Variants in FAF1 observed in about 807,000 individuals in gnomAD.
FAF1 encodes the protein FAS-associated factor 1.
In FAF1, 25 loss-of-function variants were observed where a neutral mutation model predicts 92.5. The ratio of observed to expected loss-of-function variants is 0.27; its 90% CI spans 0.20 to 0.38. The LOEUF (loss-of-function observed/expected upper bound fraction) is 0.38, where lower values mean the gene tolerates loss of function less well. Ranked by LOEUF, FAF1 falls within the 10% of genes least tolerant of loss-of-function variation. FAF1 has a pLI of 1.00. For synonymous variants in FAF1, 234 were observed against 273.2 expected, an observed-to-expected ratio of 0.86 and a Z score of 1.42; for missense variants, 636 against 793.3, an observed-to-expected ratio of 0.80 and a Z score of 2.38.
intron 2 of FAF1, among the ~76,000 whole-genome samples, chr1:50,825,988 A>T (rs1228111747): frequency 2.0e-5 from 3 of 152,138 alleles, no homozygotes; most frequent in Admixed American, 6.5e-5. Context: ...AAAATACATG[A>T]TGGCAAAACA....
chr1:50,850,816 C>T (rs1404736957), intron 2 of FAF1, among the ~76,000 whole-genome samples: 1 of 151,992 alleles, frequency 6.6e-6, no homozygotes, highest in Non-Finnish European at 1.5e-5. Flanking sequence ...ACAGTATGAA[C>T]AGGAATTTTA....
Position 50,787,895 on chromosome 1 carries a change from T to C in FAF1, c.367+105A>G, listed in dbSNP as rs1172807025. The C allele has an allele frequency of 4.4e-6, 4 of 912,314 alleles. No homozygotes were observed. In the South Asian group the frequency reaches 4.9e-5, roughly 11 times the overall value. 56.5% of individuals were successfully genotyped at this position (912,314 alleles called of 1,614,324 possible). ...GAAAGTTACCAGTTTCAACTTGCTT[T>C]TTTTCCCTTCTTGCACTGGTAGTCA... On this transcript the variant is annotated intron_variant, in intron 4 of 18. Coordinates refer to ENST00000396153, the MANE Select transcript of FAF1 (RefSeq NM_007051.3).
chr1:50,957,660 C>T (rs1302575689), intron 1 of FAF1, among the ~76,000 whole-genome samples: 1 of 152,006 alleles, frequency 6.6e-6, no homozygotes, highest in East Asian at 1.9e-4. Context: ...CCGAAATTTT[C>T]ATTTTCATTT....
intron 7 of FAF1, 57 bp downstream of exon 7, chr1:50,705,729 G>A: frequency 1.1e-6 from 1 of 942,654 alleles, no homozygotes; most frequent in Admixed American, 1.9e-5. Context: ...TCTTTAACAG[G>A]GTCAACATTA....
Position 50,475,654 on chromosome 1 carries a change from G to A in FAF1, c.1679C>T (p.Ala560Val). ...REAIRLSLEQ[A>V]LPPEPKEENA... is the part of the protein sequence containing the mutation. ...TTCTTCCTTTGGCTCAGGAGGCAGGGCTTGCTCTAAGGACAGCCGGATGGC... is the reference window on the plus strand; with the variant it reads ...TTCTTCCTTTGGCTCAGGAGGCAGGACTTGCTCTAAGGACAGCCGGATGGC... The change falls in exon 18 of 19, where the codon GCC becomes GTC. Residue 560 changes from alanine (A) to valine (V), a missense_variant. Ala to Val is a moderately conservative substitution (Grantham distance 64, BLOSUM62 0). Transcript: ENST00000396153. The A allele has an allele frequency of 1.2e-6, 2 of 1,613,904 alleles. No homozygotes were observed. The highest frequency in any genetic ancestry group is 1.7e-6 in the Non-Finnish European group (2 of 1,179,898).
intron 17 of FAF1, among the ~76,000 whole-genome samples, chr1:50,484,446 C>CAT (rs752316449): frequency 4.0e-4 from 61 of 152,016 alleles, no homozygotes; most frequent in East Asian, 2.3e-3. Flanking sequence ...AGTGGATATA[C>CAT]ATATATATAT....
intron 7 of FAF1, among the ~76,000 whole-genome samples, chr1:50,685,162 G>C (rs1656600782): frequency 6.6e-6 from 1 of 152,184 alleles, no homozygotes; most frequent in Non-Finnish European, 1.5e-5. Context: ...ACATGAGCAA[G>C]AAATCACATC....
At position 50,914,730 on chromosome 1, in the gene FAF1, G is replaced by A. The variant is rs562126705; in HGVS notation, c.45+45037C>T. Among the ~76,000 whole-genome samples, 4 of 152,158 alleles carry A rather than the reference G, an allele frequency of 2.6e-5. No individual in the cohort carries two copies. The East Asian group carries it at 7.7e-4, about 29-fold the overall frequency. ...CTCCCACATAACTGAAAAAGCAATA[G>A]AAGGGACAATGTGCTATACTTAACA... On this transcript the variant is annotated intron_variant, in intron 1 of 18. Transcript: ENST00000396153.
intron 7 of FAF1, among the ~76,000 whole-genome samples, chr1:50,671,586 G>C (rs562727899): frequency 6.6e-6 from 1 of 152,014 alleles, no homozygotes; most frequent in African/African-American, 2.4e-5. Flanking sequence ...AAGAGGGTGA[G>C]GATTCAAACT....
chr1:50,814,918 A>T (rs1569991869), intron 2 of FAF1, among the ~76,000 whole-genome samples: 1 of 152,320 alleles, frequency 6.6e-6, no homozygotes, highest in South Asian at 2.1e-4. Flanking sequence ...ACCCTTTTGT[A>T]CTGCTGATGG....
chr1:50,577,710 C>T (rs1650816974), intron 12 of FAF1, among the ~76,000 whole-genome samples: 1 of 152,140 alleles, frequency 6.6e-6, no homozygotes, highest in Non-Finnish European at 1.5e-5. Flanking sequence ...CCTTAGAGAG[C>T]ATGTGATAAA....
chr1:50,783,465 T>A (rs1661255252), intron 4 of FAF1, among the ~76,000 whole-genome samples: 1 of 152,136 alleles, frequency 6.6e-6, no homozygotes, highest in South Asian at 2.1e-4. Context: ...AACAAAATAT[T>A]AGCGAAACTA....
At chr1:50,694,567 A>AC (rs1553129266) in intron 7 of FAF1, among the ~76,000 whole-genome samples, 1 of 151,180 alleles carries the variant, frequency 6.6e-6, no homozygotes, top group East Asian at 1.9e-4. Context: ...AAAAAAAAAA[A>AC]CCCACAAAGG....
At chr1:50,880,023 T>C (rs1289375216) in intron 1 of FAF1, among the ~76,000 whole-genome samples, 1 of 152,210 alleles carries the variant, frequency 6.6e-6, no homozygotes, top group Non-Finnish European at 1.5e-5. Flanking sequence ...TATCATTTCA[T>C]CTTCTCTATT....
Position 50,827,028 on chromosome 1 carries a change from G to A in FAF1, c.115-25351C>T, listed in dbSNP as rs926303232. Reference sequence around the variant, plus strand: ...AGGAGTGCCTCTGCCCGGCCGCCCCGTCTGGGAGGTGAGGAGCGCCTCTGC... The same window carrying A: ...AGGAGTGCCTCTGCCCGGCCGCCCCATCTGGGAGGTGAGGAGCGCCTCTGC... On this transcript the variant is annotated intron_variant, in intron 2 of 18. Transcript: ENST00000396153. Among the ~76,000 whole-genome samples, 14 of 149,820 alleles carry A rather than the reference G, an allele frequency of 9.3e-5. No homozygotes were observed. In the South Asian group the frequency reaches 2.1e-3, roughly 23 times the overall value.
chr1:50,632,624 T>C (rs200384817), intron 8 of FAF1, among the ~76,000 whole-genome samples: 4 of 152,192 alleles, frequency 2.6e-5, no homozygotes, highest in Non-Finnish European at 5.9e-5. Flanking sequence ...CCCAGCAGAT[T>C]CGCATGGTTC....
At chr1:50,929,695 A>G (rs1350373345) in intron 1 of FAF1, among the ~76,000 whole-genome samples, 1 of 152,246 alleles carries the variant, frequency 6.6e-6, no homozygotes, top group Non-Finnish European at 1.5e-5. Flanking sequence ...TGTGCCAGGC[A>G]TAGTGTTAGG....
At chr1:50,952,494 A>G (rs1338806684) in intron 1 of FAF1, among the ~76,000 whole-genome samples, 2 of 152,266 alleles carry the variant, frequency 1.3e-5, no homozygotes, top group East Asian at 1.9e-4. Context: ...TTGGCCTCCC[A>G]AAGTGCCGAG....
chr1:50,596,256 G>C, intron 8 of FAF1, 40 bp from the exon 9 acceptor site: 1 of 1,408,480 alleles, frequency 7.1e-7, no homozygotes, highest in East Asian at 2.3e-5. Flanking sequence ...ACAAAATACG[G>C]CCATGTTTCA....
Sources: gnomAD v4.1 joint callset for allele counts (sites outside exome capture counted in the v4.1 genomes callset) on GRCh38, gnomAD v4.1.1 for gene constraint, MANE v1.5 for transcripts, NCBI Gene and HGNC (gene_info 2026-07-23, HGNC 2026-07-21) for gene names.